PRKCB: variants seen among roughly 807,000 people sequenced by gnomAD.
PRKCB encodes the protein protein kinase C beta type.
PRKCB carries 13 observed loss-of-function variants against 81.5 expected under a neutral mutation model. That is an observed-to-expected ratio of 0.16 (90% CI 0.10 to 0.25). The LOEUF (loss-of-function observed/expected upper bound fraction) is 0.25, where lower values mean the gene tolerates loss of function less well. PRKCB is among the 10% of genes least tolerant of loss of function. The probability of loss-of-function intolerance (pLI) is 1.00; values close to 1 mark genes in which losing one functional copy is unlikely to be tolerated. For missense variants in PRKCB, 509 were observed against 875.7 expected, an observed-to-expected ratio of 0.58 and a Z score of 5.29; for synonymous variants, 335 against 321.4, an observed-to-expected ratio of 1.04 and a Z score of -0.45.
chr16:23,869,895 G>A (rs1491002612), intron 2 of PRKCB, among the ~76,000 whole-genome samples: 1 of 152,064 alleles, frequency 6.6e-6, no homozygotes, highest in Non-Finnish European at 1.5e-5. Context: ...GCTGGCAGAG[G>A]CCTGTAATCC....
intron 3 of PRKCB, among the ~76,000 whole-genome samples, chr16:24,009,599 T>C (rs1316568655): frequency 2.0e-5 from 3 of 151,540 alleles, no homozygotes; most frequent in Admixed American, 1.3e-4. Flanking sequence ...CTATTTTTTT[T>C]TTTAAAAAAG....
chr16:23,912,004 G>A (rs1335845603), intron 2 of PRKCB, among the ~76,000 whole-genome samples: 1 of 151,524 alleles, frequency 6.6e-6, no homozygotes, highest in Non-Finnish European at 1.5e-5. Flanking sequence ...GCTAAGTTTT[G>A]TATTTTTAGT....
chr16:24,100,617 C>T (rs1411763985), intron 7 of PRKCB, among the ~76,000 whole-genome samples: 2 of 152,190 alleles, frequency 1.3e-5, no homozygotes, highest in African/African-American at 2.4e-5. Context: ...GGAAACCCAC[C>T]TCTCCCCACC....
chr16:24,124,829 T>C (rs1966839844), intron 9 of PRKCB, among the ~76,000 whole-genome samples: 1 of 152,176 alleles, frequency 6.6e-6, no homozygotes, highest in Non-Finnish European at 1.5e-5. Context: ...TGAGCTTCCC[T>C]CTTTCCTGTA....
chr16:24,151,539 A>C, intron 9 of PRKCB: 1 of 253,530 alleles, frequency 3.9e-6, no homozygotes, highest in East Asian at 8.7e-5. Context: ...GTTACAAAGC[A>C]GCCCTGGTGC....
intron 9 of PRKCB, among the ~76,000 whole-genome samples, chr16:24,144,064 A>G (rs892562345): frequency 8.5e-5 from 13 of 152,176 alleles, no homozygotes; most frequent in African/African-American, 3.1e-4. Context: ...GAAAATATGA[A>G]TTTTGTTATG....
chr16:23,964,171 A>C (rs954623450), intron 2 of PRKCB, among the ~76,000 whole-genome samples: 2 of 152,252 alleles, frequency 1.3e-5, no homozygotes, highest in Non-Finnish European at 2.9e-5. Flanking sequence ...CCACATTTCA[A>C]GTGCTCAGTA....
chr16:24,086,049 A>G (rs1966307015), intron 5 of PRKCB, among the ~76,000 whole-genome samples: 1 of 152,136 alleles, frequency 6.6e-6, no homozygotes, highest in Admixed American at 6.5e-5. Context: ...TGGTTTTGTA[A>G]TCAGAGCCTA....
chr16:24,061,253 G>A (rs748848911), intron 5 of PRKCB, among the ~76,000 whole-genome samples: 4 of 152,040 alleles, frequency 2.6e-5, no homozygotes, highest in Non-Finnish European at 5.9e-5. Context: ...TAGAGACGGG[G>A]TTTTGCCATG....
rs1372071090 is a variant in PRKCB, at chr16:24,214,714, A to T, written c.1920A>T (p.Leu640=). 18 of 1,614,052 alleles carry T rather than the reference A, an allele frequency of 1.1e-5. No individual in the cohort carries two copies. The highest frequency in any genetic ancestry group is 1.4e-5 in the Non-Finnish European group (17 of 1,180,034). ...TTTTCACCCGCCATCCACCAGTCCT[A>T]ACACCTCCCGACCAGGAAGTCATCA... ...DRFFTRHPPV[L]TPPDQEVIRN... The change falls in exon 17 of 17, where the codon CTA becomes CTT. Residue 640 remains leucine, a synonymous_variant. Transcript: ENST00000643927.
intron 5 of PRKCB, among the ~76,000 whole-genome samples, chr16:24,059,035 C>T (rs890748739): frequency 3.9e-5 from 6 of 152,052 alleles, no homozygotes; most frequent in African/African-American, 1.4e-4. Context: ...GGATAGTGAG[C>T]GTGATAGCCA....
chr16:24,030,062 G>T (rs1965532201), intron 3 of PRKCB, among the ~76,000 whole-genome samples: 1 of 152,006 alleles, frequency 6.6e-6, no homozygotes, highest in Non-Finnish European at 1.5e-5. Context: ...ACCACACCTG[G>T]CTAATTTTTT....
intron 3 of PRKCB, among the ~76,000 whole-genome samples, chr16:24,010,863 C>A (rs1359331732): frequency 6.6e-6 from 1 of 152,072 alleles, no homozygotes; most frequent in African/African-American, 2.4e-5. Flanking sequence ...TCAGACCTTG[C>A]CACTCGATTT....
intron 9 of PRKCB, among the ~76,000 whole-genome samples, chr16:24,132,224 G>A (rs1026799585): frequency 5.3e-5 from 8 of 152,116 alleles, no homozygotes; most frequent in South Asian, 2.1e-4. Flanking sequence ...CAGCAGTCTT[G>A]TAACTCATAT....
chr16:24,025,030 C>T (rs968295427), intron 3 of PRKCB, among the ~76,000 whole-genome samples: 1 of 152,102 alleles, frequency 6.6e-6, no homozygotes, highest in Admixed American at 6.5e-5. Context: ...TATGATCCCT[C>T]ATGAAAGCGG....
At chr16:23,913,309 G>A (rs965111567) in intron 2 of PRKCB, among the ~76,000 whole-genome samples, 2 of 151,638 alleles carry the variant, frequency 1.3e-5, no homozygotes, top group Non-Finnish European at 1.5e-5. Context: ...CAGCCAGACC[G>A]ACCTTCCTCC....
intron 2 of PRKCB, among the ~76,000 whole-genome samples, chr16:23,955,417 C>T (rs1269756961): frequency 1.3e-5 from 2 of 152,118 alleles, no homozygotes; most frequent in Admixed American, 6.5e-5. Flanking sequence ...TTTGTGATTT[C>T]CAGCCTTCCT....
intron 2 of PRKCB, among the ~76,000 whole-genome samples, chr16:23,944,302 T>C (rs1964176857): frequency 6.6e-6 from 1 of 152,258 alleles, no homozygotes; most frequent in Non-Finnish European, 1.5e-5. Flanking sequence ...CATGATGTCA[T>C]CTTTGAGCTT....
At chr16:23,933,092 A>G (rs13330829) in intron 2 of PRKCB, among the ~76,000 whole-genome samples, 4,756 of 152,242 alleles carry the variant, frequency 0.031, 121 homozygotes, top group African/African-American at 0.06. Context: ...TTCGGTGGCA[A>G]TGTGCCCAGG....
Sources: gnomAD v4.1 joint callset for allele counts (sites outside exome capture counted in the v4.1 genomes callset) on GRCh38, gnomAD v4.1.1 for gene constraint, MANE v1.5 for transcripts, NCBI Gene and HGNC (gene_info 2026-07-23, HGNC 2026-07-21) for gene names.